The following CDH23 variants were observed in gnomAD, a reference collection of about 807,000 sequenced individuals.
CDH23 encodes cadherin related 23.
In CDH23, 189 loss-of-function variants were observed where a neutral mutation model predicts 317.1. That is an observed-to-expected ratio of 0.60 (90% CI 0.53 to 0.67). CDH23 has a LOEUF of 0.67. CDH23 is among the 30% of genes least tolerant of loss of function. The pLI, the probability that CDH23 is intolerant of heterozygous loss-of-function variation, is 0.00. For missense variants in CDH23, 4,401 were observed against 4,592.4 expected (o/e 0.96, Z 1.20); for synonymous variants, 1,839 against 1,876.8 (o/e 0.98, Z 0.52).
chr10:71,570,268 C>G (rs976628794), intron 7 of CDH23, among the ~76,000 whole-genome samples: 2 of 152,132 alleles, frequency 1.3e-5, no homozygotes, highest in Non-Finnish European at 2.9e-5. Flanking sequence ...GACACAGGTG[C>G]CAGATTAATC....
At chr10:71,713,480 G>A (rs184383942) in intron 28 of CDH23, 30 of 577,568 alleles carry the variant, frequency 5.2e-5, no homozygotes, top group African/African-American at 7.5e-5. Context: ...CAGGCTCCCG[G>A]GCTTGGGAGG....
chr10:71,776,197 C>T (rs139678117), intron 38 of CDH23, among the ~76,000 whole-genome samples: 1 of 152,206 alleles, frequency 6.6e-6, no homozygotes, highest in South Asian at 2.1e-4. Flanking sequence ...ACCGTTTCAG[C>T]AAACACCCAA....
chr10:71,771,006 C>G (rs1163759083), intron 38 of CDH23, among the ~76,000 whole-genome samples: 2 of 152,178 alleles, frequency 1.3e-5, no homozygotes, highest in Non-Finnish European at 2.9e-5. Context: ...GCTTGCAGCA[C>G]TGGGTTACTC....
chr10:71,636,118 G>T (rs1330552118), intron 11 of CDH23, among the ~76,000 whole-genome samples: 1 of 152,052 alleles, frequency 6.6e-6, no homozygotes, highest in East Asian at 1.9e-4. Flanking sequence ...GCGAGATAAA[G>T]AGAGAAACAA....
chr10:71,555,832 C>T (rs183953531), intron 6 of CDH23, among the ~76,000 whole-genome samples: 2 of 152,242 alleles, frequency 1.3e-5, no homozygotes, highest in Non-Finnish European at 2.9e-5. Context: ...CCCCAGATGT[C>T]CCTCTGATGA....
At chr10:71,726,421 T>G (rs545117273) in intron 30 of CDH23, among the ~76,000 whole-genome samples, 1 of 152,308 alleles carries the variant, frequency 6.6e-6, no homozygotes, top group East Asian at 1.9e-4. Context: ...ACAAACACGA[T>G]GGGTCTGATT....
intron 9 of CDH23, 45 bp from the exon 10 acceptor site, chr10:71,615,459 C>G (rs184262072): frequency 9.0e-6 from 13 of 1,439,554 alleles, no homozygotes; most frequent in Middle Eastern, 1.7e-4. Flanking sequence ...TCCATGCCCC[C>G]CTGCCCTGTG....
chr10:71,701,292 G>T (rs1425387373), intron 22 of CDH23, among the ~76,000 whole-genome samples: 1 of 152,216 alleles, frequency 6.6e-6, no homozygotes, highest in African/African-American at 2.4e-5. Context: ...ATCGGTGCAC[G>T]CAGGGGGCCT....
chr10:71,502,606 C>T (rs902345096), intron 3 of CDH23, among the ~76,000 whole-genome samples: 19 of 152,258 alleles, frequency 1.2e-4, no homozygotes, highest in African/African-American at 3.9e-4. Flanking sequence ...GGTATGCTTT[C>T]GGGTGACAGC....
Position 71,716,494 on chromosome 10 carries a change from T to A in CDH23, c.3369+3681T>A, listed in dbSNP as rs190523764. ...CACATCACAGGTTAAGACAGCAAGG[T>A]CCAGAGACATCACAAGTCTAAGTGT... On this transcript the variant is annotated intron_variant, in intron 28 of 69. Transcript: ENST00000224721. 5.2e-5 allele frequency: 31 copies of A among 598,592 alleles called. No homozygotes were observed. In the East Asian group the frequency reaches 6.8e-4, roughly 13 times the overall value. 37.1% of individuals were successfully genotyped at this position (598,592 alleles called of 1,614,324 possible).
intron 1 of CDH23, among the ~76,000 whole-genome samples, chr10:71,431,857 A>G (rs1397665541): frequency 1.3e-5 from 2 of 151,786 alleles, no homozygotes; most frequent in Non-Finnish European, 2.9e-5. Flanking sequence ...CTGCAGGGAG[A>G]GATGGGAGAT....
Position 71,724,059 on chromosome 10 carries a change from C to A in CDH23, c.3384C>A (p.Asp1128Glu). Residue 1128 changes from aspartate (D) to glutamate (E), a missense_variant, in exon 29 of 70, where the codon GAC (aspartate) becomes GAA (glutamate). This residue lies in a region of CDH23 where 3,068 missense variants were observed against 3,203.3 expected (regional missense o/e 0.96). Transcript: ENST00000224721. The part of the protein sequence containing the change: ...GHSILQLKAT[D>E]ADEGEFGRVW... ...TTCTTCCTCAGCTGAAAGCCACGGA[C>A]GCAGATGAGGGCGAGTTTGGGCGTG... 6.4e-7 allele frequency: 1 copy of A among 1,560,594 alleles called. No homozygotes were observed. Among genetic ancestry groups the A allele is most frequent in the Non-Finnish European group, 8.7e-7 (1 of 1,151,864 alleles).
intron 41 of CDH23, among the ~76,000 whole-genome samples, chr10:71,780,339 G>A (rs1436626437): frequency 1.3e-5 from 2 of 152,176 alleles, no homozygotes; most frequent in Non-Finnish European, 2.9e-5. Context: ...ACTGGGAGGT[G>A]CTAAGGGCTA....
At chr10:71,754,513 G>A (rs1377277996) in intron 38 of CDH23, among the ~76,000 whole-genome samples, 2 of 152,172 alleles carry the variant, frequency 1.3e-5, no homozygotes, top group Non-Finnish European at 2.9e-5. Flanking sequence ...GCCCCTTCTT[G>A]GAGGACTCAG....
At position 71,734,241 on chromosome 10, in the gene CDH23, G is replaced by A; in HGVS notation, c.4106G>A (p.Gly1369Asp). Residue 1369 changes from glycine (G) to aspartate (D), a missense_variant and splice_region_variant, in exon 33 of 70, where the codon GGT becomes GAT. By Grantham distance (94) the Gly-to-Asp change is moderately conservative. Transcript: ENST00000224721. ...KALFKIDAIT[G>D]VITVQGLVDR... Reference sequence around the variant, plus strand: ...ACCCATCTGGCCCCTTCCCTGCAGGGTGTGATCACAGTCCAGGGCCTGGTG... The same window carrying A: ...ACCCATCTGGCCCCTTCCCTGCAGGATGTGATCACAGTCCAGGGCCTGGTG... The A allele has an allele frequency of 6.2e-7, 1 of 1,608,270 alleles. No homozygotes were observed. Among genetic ancestry groups the A allele is most frequent in the Non-Finnish European group, 8.5e-7 (1 of 1,177,456 alleles).
intron 50 of CDH23, 99 bp downstream of exon 50, chr10:71,798,677 C>A: frequency 2.1e-6 from 2 of 951,528 alleles, no homozygotes; most frequent in Non-Finnish European, 3.1e-6. Flanking sequence ...CCTCAGTGGA[C>A]TGGGCCAGAT....
At chr10:71,537,959 C>T (rs894349481) in intron 6 of CDH23, among the ~76,000 whole-genome samples, 1 of 152,166 alleles carries the variant, frequency 6.6e-6, no homozygotes, top group Non-Finnish European at 1.5e-5. Context: ...TCTCCCACTC[C>T]CTCAGTAGGG....
intron 14 of CDH23, among the ~76,000 whole-genome samples, chr10:71,667,381 TGTGTGTGTGTGTGTGC>T (rs1225039225): frequency 6.7e-6 from 1 of 149,856 alleles, no homozygotes; most frequent in Non-Finnish European, 1.5e-5. Flanking sequence ...TGTGTGTGTG[TGTGTGTGTGTGTGTGC>T]GCGTGTGTGT....
chr10:71,435,788 T>C (rs1849589506), intron 1 of CDH23, among the ~76,000 whole-genome samples: 1 of 152,148 alleles, frequency 6.6e-6, no homozygotes, highest in Admixed American at 6.5e-5. Context: ...GGAACAGCTA[T>C]TGCACAGAGC....
Sources: gnomAD v4.1 joint callset for allele counts (sites outside exome capture counted in the v4.1 genomes callset) on GRCh38, gnomAD v4.1.1 for gene constraint, gnomAD v4.1.1 regional missense constraint, MANE v1.5 for transcripts, NCBI Gene and HGNC (gene_info 2026-07-23, HGNC 2026-07-21) for gene names.